Variants in SUV39H2 observed in about 807,000 individuals in gnomAD.
SUV39H2 encodes the protein SUV39H2 histone lysine methyltransferase.
A neutral mutation model predicts 47.5 loss-of-function variants in SUV39H2; 10 were observed. The ratio of observed to expected loss-of-function variants is 0.21; its 90% CI spans 0.13 to 0.36. The LOEUF (loss-of-function observed/expected upper bound fraction) is 0.36. Among genes scored for constraint, SUV39H2 ranks in the 10% least tolerant of loss-of-function variants. The probability of loss-of-function intolerance (pLI) is 1.00; values close to 1 mark genes in which losing one functional copy is unlikely to be tolerated. For synonymous variants in SUV39H2, 159 were observed against 166.8 expected, an observed-to-expected ratio of 0.95 and a Z score of 0.36; for missense variants, 266 against 487.4, an observed-to-expected ratio of 0.55 and a Z score of 4.28.
intron 1 of SUV39H2, 134 bp from the exon 2 acceptor site, chr10:14,881,366 C>A: frequency 3.1e-6 from 2 of 651,546 alleles, no homozygotes; most frequent in Non-Finnish European, 4.4e-6. Flanking sequence ...AGACATGTAA[C>A]TGGTTTCTTG....
intron 2 of SUV39H2, among the ~76,000 whole-genome samples, chr10:14,890,875 T>C (rs1386078832): frequency 2.0e-5 from 3 of 152,246 alleles, no homozygotes; most frequent in Admixed American, 2.0e-4. Context: ...GTTTATCAGC[T>C]TGTATTTCCT....
chr10:14,897,010 C>T lies in SUV39H2; in HGVS notation c.342C>T (p.Asp114=), dbSNP rs756880069. 1 of 1,614,010 alleles carries T rather than the reference C, an allele frequency of 6.2e-7. No homozygotes were observed. The highest frequency in any genetic ancestry group is 1.1e-5 in the South Asian group (1 of 91,082). ...VKKGKAITPK[D]NNKTLKPAIA... Reference sequence around the variant, plus strand: ...AAGGCAAAGCAATAACTCCAAAAGACAATAACAAAACTTTGAAACCTGCCA... The same window carrying T: ...AAGGCAAAGCAATAACTCCAAAAGATAATAACAAAACTTTGAAACCTGCCA... Residue 114 remains aspartate, a synonymous_variant, in exon 3 of 6, where the codon GAC becomes GAT. Transcript: ENST00000354919.
chr10:14,879,123 C>T (rs936134462), intron 1 of SUV39H2: 2 of 1,264,566 alleles, frequency 1.6e-6, no homozygotes, highest in Non-Finnish European at 2.0e-6. Context: ...GCTCCCGCCG[C>T]GGAGGTGGGC....
intron 2 of SUV39H2, among the ~76,000 whole-genome samples, chr10:14,887,188 T>C (rs1306938006): frequency 6.6e-6 from 1 of 152,194 alleles, no homozygotes; most frequent in East Asian, 1.9e-4. Flanking sequence ...ACAATGGTGC[T>C]TGGACTAAAG....
chr10:14,902,335 T>G, intron 5 of SUV39H2, 71 bp from the exon 6 acceptor site: 2 of 1,065,082 alleles, frequency 1.9e-6, no homozygotes, highest in Non-Finnish European at 2.7e-6. Context: ...GCTAATATAA[T>G]AGAAAATTTG....
chr10:14,895,241 G>C (rs780416200), intron 2 of SUV39H2, among the ~76,000 whole-genome samples: 5 of 150,852 alleles, frequency 3.3e-5, no homozygotes, highest in Non-Finnish European at 5.9e-5. Flanking sequence ...CAGTGGCACA[G>C]TCTTGGCTCA....
chr10:14,881,576 G>A lies in SUV39H2; in HGVS notation c.108G>A (p.Ser36=), dbSNP rs369200305. The A allele has an allele frequency of 6.2e-7, 1 of 1,604,862 alleles. No homozygotes were observed. ...GAAAAGAAAAGCTCACATGTAAATC[G>A]ATTGGAATCACCAAAAGGAATCTAA... ...LCRKEKLTCK[S]IGITKRNLNN... Residue 36 remains serine (S), a synonymous_variant, in exon 2 of 6, where the codon TCG becomes TCA. Coordinates refer to ENST00000354919, the MANE Select transcript of SUV39H2 (RefSeq NM_001193424.2).
At chr10:14,893,161 G>A (rs930186325) in intron 2 of SUV39H2, among the ~76,000 whole-genome samples, 4 of 151,308 alleles carry the variant, frequency 2.6e-5, no homozygotes, top group East Asian at 1.9e-4. Flanking sequence ...CCGCCACCTC[G>A]CCCGGCTAAT....
At chr10:14,887,237 T>C (rs530191607) in intron 2 of SUV39H2, among the ~76,000 whole-genome samples, 7 of 152,306 alleles carry the variant, frequency 4.6e-5, no homozygotes, top group African/African-American at 1.7e-4. Flanking sequence ...CACGGTTCTT[T>C]TGTTTTTTAA....
At chr10:14,880,938 A>G (rs879052571) in intron 1 of SUV39H2, among the ~76,000 whole-genome samples, 3 of 152,238 alleles carry the variant, frequency 2.0e-5, no homozygotes, top group Admixed American at 1.3e-4. Context: ...TTAAAGCTTC[A>G]TGCAACATAT....
chr10:14,884,910 T>A (rs1670296889), intron 2 of SUV39H2, among the ~76,000 whole-genome samples: 1 of 152,240 alleles, frequency 6.6e-6, no homozygotes, highest in African/African-American at 2.4e-5. Flanking sequence ...TAGCATTAAA[T>A]GAGTTAACAT....
chr10:14,885,287 A>G (rs1272985838), intron 2 of SUV39H2, among the ~76,000 whole-genome samples: 1 of 152,130 alleles, frequency 6.6e-6, no homozygotes, highest in Non-Finnish European at 1.5e-5. Context: ...TCATACCTGG[A>G]TTTTGCACTA....
intron 1 of SUV39H2, 105 bp downstream of exon 1, chr10:14,879,024 T>G (rs1588828708): frequency 7.6e-7 from 1 of 1,314,886 alleles, no homozygotes; most frequent in African/African-American, 1.6e-5. Flanking sequence ...GACGTGGCGG[T>G]TCCCCGCCCG....
intron 2 of SUV39H2, among the ~76,000 whole-genome samples, chr10:14,882,020 A>G (rs1833053107): frequency 2.0e-5 from 3 of 152,222 alleles, no homozygotes; most frequent in Admixed American, 1.3e-4. Flanking sequence ...ACTGACTCTC[A>G]AGAACATCAC....
rs1165137232 is a variant in SUV39H2 at position 14,903,364 on chromosome 10, TAAACGGTA to T, written c.*857_*864del. 1 of 152,202 alleles carries T rather than the reference TAAACGGTA, an allele frequency of 6.6e-6. No individual in the cohort carries two copies. The allele number at this position is 152,202 out of a possible 1,614,324, so 9.4% of individuals were successfully genotyped here. ...AAATCTGTGTCGAGTACCTCTGATCTAAACGGTAAAACAAGCTGCCTGGAGAGCAGCTG... is the reference window on the plus strand; with the variant it reads ...AAATCTGTGTCGAGTACCTCTGATCTAAACAAGCTGCCTGGAGAGCAGCTG... On this transcript the variant is annotated 3_prime_UTR_variant, in exon 6 of 6. Transcript: ENST00000354919.
At chr10:14,893,895 CA>C (rs1564339742) in intron 2 of SUV39H2, among the ~76,000 whole-genome samples, 1 of 151,766 alleles carries the variant, frequency 6.6e-6, no homozygotes, top group Non-Finnish European at 1.5e-5. Context: ...ATGATTTAAC[CA>C]TTGACTTAAA....
intron 1 of SUV39H2, among the ~76,000 whole-genome samples, chr10:14,879,615 G>T (rs957345511): frequency 1.3e-5 from 2 of 152,084 alleles, no homozygotes; most frequent in Non-Finnish European, 2.9e-5. Flanking sequence ...GGCACCGAGC[G>T]CGCGTGGGTG....
intron 2 of SUV39H2, among the ~76,000 whole-genome samples, chr10:14,896,041 T>G (rs766754060): frequency 3.3e-5 from 5 of 151,988 alleles, no homozygotes; most frequent in Non-Finnish European, 5.9e-5. Flanking sequence ...CCTCCCAGTT[T>G]CAAGCGATTC....
At chr10:14,883,089 A>G (rs1833089925) in intron 2 of SUV39H2, among the ~76,000 whole-genome samples, 1 of 151,836 alleles carries the variant, frequency 6.6e-6, no homozygotes, top group Non-Finnish European at 1.5e-5. Context: ...GGCTGGTCTC[A>G]AACTCCTGAC....
Sources: allele counts gnomAD v4.1 joint callset (sites outside exome capture counted in the v4.1 genomes callset), GRCh38; gene constraint gnomAD v4.1.1; transcripts MANE v1.5; gene names NCBI Gene and HGNC (gene_info 2026-07-23, HGNC 2026-07-21).